WDR64: variants seen among roughly 807,000 people sequenced by gnomAD.
WDR64 encodes the protein WD repeat domain 64.
A neutral mutation model predicts 139.3 loss-of-function variants in WDR64; 112 were observed. The observed-to-expected ratio is 0.80, with a 90% confidence interval of 0.69 to 0.94. WDR64 has a LOEUF of 0.94. Ranked by LOEUF, WDR64 falls within the 40% of genes least tolerant of loss-of-function variation. WDR64 has a pLI of 0.00. For missense variants in WDR64, 1,206 were observed against 1,293.1 expected (o/e 0.93, Z 1.03); for synonymous variants, 444 against 437.7 (o/e 1.01, Z -0.18).
chr1:241,749,564 G>A lies in WDR64; in HGVS notation c.1612G>A (p.Asp538Asn). 6.2e-7 allele frequency: 1 copy of A among 1,614,112 alleles called. No homozygotes were observed. Among genetic ancestry groups the A allele is most frequent in the Non-Finnish European group, 8.5e-7 (1 of 1,180,010 alleles). The change falls in exon 14 of 28, where the codon GAC becomes AAC. Residue 538 changes from aspartate to asparagine, a missense_variant. Asp to Asn is a conservative substitution (Grantham distance 23, BLOSUM62 1). Coordinates refer to ENST00000437684, the MANE Select transcript of WDR64 (RefSeq NM_001367482.1). ...ATGCTCAGGAACAGTCAGAATCTGG[G>A]ACTTTGGCAGTGGGCAGGAGATGAA... ...GAYNGTVRIW[D>N]FGSGQEMKVL...
At chr1:241,765,657 AC>A (rs1207206004) in intron 15 of WDR64, among the ~76,000 whole-genome samples, 1 of 152,224 alleles carries the variant, frequency 6.6e-6, no homozygotes, top group Non-Finnish European at 1.5e-5. Flanking sequence ...TCCCTCCGAT[AC>A]AGCACTTTCA....
intron 9 of WDR64, among the ~76,000 whole-genome samples, chr1:241,716,185 C>T (rs1018507882): frequency 5.3e-5 from 8 of 151,268 alleles, no homozygotes; most frequent in Non-Finnish European, 7.4e-5. Flanking sequence ...TACCCGCTGA[C>T]GACTCAAAAT....
At chr1:241,745,543 T>G (rs1014231033) in intron 13 of WDR64, among the ~76,000 whole-genome samples, 1 of 150,786 alleles carries the variant, frequency 6.6e-6, no homozygotes, top group Non-Finnish European at 1.5e-5. Context: ...TTTTACATTG[T>G]TAGTTCTAGA....
At chr1:241,717,102 T>C (rs1038354291) in intron 9 of WDR64, among the ~76,000 whole-genome samples, 1 of 152,196 alleles carries the variant, frequency 6.6e-6, no homozygotes, top group African/African-American at 2.4e-5. Flanking sequence ...CTGAATAGCA[T>C]GACACATCTT....
Position 241,801,336 on chromosome 1 carries a change from C to T in WDR64, c.*121C>T, listed in dbSNP as rs1659521201. ...ACTATCAGTCATCTCTGGTGTCAGG[C>T]CATCCTATTGATGGGAAAGATTGCT... On this transcript the variant is annotated 3_prime_UTR_variant, in exon 28 of 28. Coordinates refer to ENST00000437684, the MANE Select transcript of WDR64 (RefSeq NM_001367482.1). 2.4e-6 allele frequency: 2 copies of T among 823,954 alleles called. No individual in the cohort carries two copies. Among genetic ancestry groups the T allele is most frequent in the Middle Eastern group, 2.4e-4 (1 of 4,240 alleles). The allele number at this position is 823,954 out of a possible 1,614,324, so 51.0% of individuals were successfully genotyped here. A position where few individuals can be genotyped will look rare whatever the true frequency, so the allele number is the denominator to read the frequency against.
chr1:241,719,512 G>A (rs935502076), intron 9 of WDR64, among the ~76,000 whole-genome samples: 3 of 152,002 alleles, frequency 2.0e-5, no homozygotes, highest in Admixed American at 6.6e-5. Flanking sequence ...TGGGATACTC[G>A]AAGAAGAGAA....
At chr1:241,675,083 C>T (rs1334699559) in intron 4 of WDR64, among the ~76,000 whole-genome samples, 1 of 66,490 alleles carries the variant, frequency 1.5e-5, no homozygotes, top group Non-Finnish European at 3.0e-5. Context: ...GCCTCCCTCC[C>T]TTCATCCTTC....
chr1:241,733,231 T>C (rs762831394), intron 10 of WDR64, among the ~76,000 whole-genome samples: 6 of 152,136 alleles, frequency 3.9e-5, no homozygotes, highest in Non-Finnish European at 8.8e-5. Context: ...TCCCAGCACT[T>C]TGGGGGGCCA....
chr1:241,652,579 CA>C lies in WDR64; in HGVS notation c.96del (p.Ala33GlnfsTer36). 6.4e-7 allele frequency: 1 copy of C among 1,551,918 alleles called. No individual in the cohort carries two copies. The highest frequency in any genetic ancestry group is 8.7e-7 in the Non-Finnish European group (1 of 1,147,050). On this transcript the variant is annotated frameshift_variant, in exon 1 of 28. Transcript: ENST00000437684. LOFTEE classifies it high-confidence loss of function. ...LNRFEKLVEQ[T>X]AAQKRDERAG... is the part of the protein sequence containing the mutation. Reference sequence around the variant, plus strand: ...AGGTTTGAAAAATTGGTTGAACAAACAGCAGCCCAGAAAAGAGATGAAAGAG... The same window carrying C: ...AGGTTTGAAAAATTGGTTGAACAAACGCAGCCCAGAAAAGAGATGAAAGAG...
At chr1:241,762,400 T>A (rs1189018103) in intron 15 of WDR64, among the ~76,000 whole-genome samples, 1 of 152,158 alleles carries the variant, frequency 6.6e-6, no homozygotes, top group African/African-American at 2.4e-5. Context: ...TGCTTACACC[T>A]CCTCAACAAG....
At chr1:241,736,244 C>G (rs985898397) in intron 10 of WDR64, among the ~76,000 whole-genome samples, 2 of 152,140 alleles carry the variant, frequency 1.3e-5, no homozygotes, top group Non-Finnish European at 2.9e-5. Context: ...CTTTATGCTT[C>G]TCTCTTGTTT....
intron 4 of WDR64, among the ~76,000 whole-genome samples, chr1:241,675,708 T>C (rs1040008459): frequency 2.6e-5 from 4 of 152,242 alleles, no homozygotes; most frequent in African/African-American, 9.6e-5. Context: ...CACTTACATA[T>C]CTTTCACATC....
intron 16 of WDR64, 68 bp downstream of exon 16, chr1:241,766,419 C>G: frequency 6.5e-7 from 1 of 1,535,064 alleles, no homozygotes; most frequent in Non-Finnish European, 8.8e-7. Context: ...GCATGCAACA[C>G]TCAGGGAAGG....
At chr1:241,788,616 C>T (rs1659124947) in intron 24 of WDR64, among the ~76,000 whole-genome samples, 1 of 152,136 alleles carries the variant, frequency 6.6e-6, no homozygotes, top group African/African-American at 2.4e-5. Context: ...AGGGAAATCC[C>T]AAGTGCACTC....
intron 15 of WDR64, among the ~76,000 whole-genome samples, chr1:241,763,473 G>A (rs941099899): frequency 1.3e-5 from 2 of 152,160 alleles, no homozygotes; most frequent in Non-Finnish European, 2.9e-5. Flanking sequence ...ACTTTGGGAG[G>A]CCAAGGCGGG....
chr1:241,742,192 C>T (rs1050057030), intron 12 of WDR64, among the ~76,000 whole-genome samples: 29 of 152,168 alleles, frequency 1.9e-4, no homozygotes, highest in Admixed American at 1.6e-3. Flanking sequence ...ATAAGCATGA[C>T]GGCTGGAATA....
At chr1:241,755,165 GA>G (rs1164798632) in intron 14 of WDR64, among the ~76,000 whole-genome samples, 2 of 152,130 alleles carry the variant, frequency 1.3e-5, no homozygotes, top group African/African-American at 4.8e-5. Flanking sequence ...CACAATGGTT[GA>G]ACTAGTTTAC....
chr1:241,754,123 A>G (rs1220157260), intron 14 of WDR64, among the ~76,000 whole-genome samples: 2 of 152,144 alleles, frequency 1.3e-5, no homozygotes, highest in Non-Finnish European at 2.9e-5. Flanking sequence ...TCGCAGACAC[A>G]TGAAAAAATG....
rs185634215 is a variant in WDR64 at position 241,677,263 on chromosome 1, A to G, written c.484-924A>G. The stretch of plus-strand genomic sequence containing the variant: ...TTCCATTAAAGATATATATAGAGAA[A>G]GAGAAACAGAAACCACAGGTGTTCT... On this transcript the variant is annotated intron_variant, in intron 4 of 27. Coordinates refer to ENST00000437684, the MANE Select transcript of WDR64 (RefSeq NM_001367482.1). The G allele has an allele frequency of 8.3e-5, 33 of 398,252 alleles. No individual in the cohort carries two copies. In the Admixed American group the frequency reaches 1.4e-3, roughly 17 times the overall value. The allele number at this position is 398,252 out of a possible 1,614,324, so 24.7% of individuals were successfully genotyped here.
Sources: gnomAD v4.1 joint callset for allele counts (sites outside exome capture counted in the v4.1 genomes callset) on GRCh38, gnomAD v4.1.1 for gene constraint, MANE v1.5 for transcripts, NCBI Gene and HGNC (gene_info 2026-07-23, HGNC 2026-07-21) for gene names.